MYBPC1: variants seen among roughly 807,000 people sequenced by gnomAD.
MYBPC1 encodes myosin binding protein C1.
Under a neutral mutation model 147.1 loss-of-function variants are expected in MYBPC1, and 52 were observed. That is an observed-to-expected ratio of 0.35 (90% CI 0.28 to 0.45). MYBPC1 has a LOEUF of 0.45. Ranked by LOEUF, MYBPC1 falls within the 20% of genes least tolerant of loss-of-function variation. MYBPC1 has a pLI of 1.00. For synonymous variants in MYBPC1, 477 were observed against 475.9 expected (o/e 1.00, Z -0.03); for missense variants, 1,228 against 1,440.3 (o/e 0.85, Z 2.39).
chr12:101,642,711 G>A, intron 11 of MYBPC1, 126 bp downstream of exon 11: 1 of 1,035,294 alleles, frequency 9.7e-7, no homozygotes, highest in African/African-American at 1.6e-5. Flanking sequence ...GGGTAGGAGT[G>A]CAGGGGTTAC....
Position 101,648,088 on chromosome 12 carries a change from T to C in MYBPC1, c.1134T>C (p.Ala378=). Residue 378 remains alanine (A), a synonymous_variant, in exon 14 of 32, where the codon GCT becomes GCC. Transcript: ENST00000361466. ...MVTKQLEDTT[A]YCGERVELEC... is the part of the protein sequence containing the mutation. ...CCAAACAGCTGGAAGATACAACTGC[T>C]TATTGTGGGGAGAGAGTGGAATTAG... is the stretch of plus-strand genomic sequence containing the variant. The C allele has an allele frequency of 6.2e-7, 1 of 1,613,244 alleles. No individual in the cohort carries two copies.
intron 10 of MYBPC1, 106 bp from the exon 11 acceptor site, chr12:101,642,313 C>A: frequency 8.1e-7 from 1 of 1,229,006 alleles, no homozygotes; most frequent in Non-Finnish European, 1.2e-6. Context: ...AGGCTTTAAA[C>A]AGAGCTTTTT....
chr12:101,651,142 T>C, intron 15 of MYBPC1, 89 bp from the exon 16 acceptor site: 1 of 1,364,904 alleles, frequency 7.3e-7, no homozygotes, highest in Non-Finnish European at 1.0e-6. Context: ...AACATTGTAG[T>C]AGAGCTCACT....
In MYBPC1 at chr12:101,685,782, G is replaced by A. The variant is rs974627361; in HGVS notation, c.*220G>A. On this transcript the variant is annotated 3_prime_UTR_variant, in exon 32 of 32. Transcript: ENST00000361466. ...TTTTCCCACCAGGCCCCCAAGTGTG[G>A]TCTTTTTCTTTCCTCCTAATGTTGA... 7 of 755,552 alleles carry A rather than the reference G, an allele frequency of 9.3e-6. No individual in the cohort carries two copies. Among genetic ancestry groups the A allele is most frequent in the Non-Finnish European group, 1.4e-5 (7 of 513,296 alleles). The allele number at this position is 755,552 out of a possible 1,614,324, so 46.8% of individuals were successfully genotyped here.
At chr12:101,633,153 T>G (rs79875445) in intron 8 of MYBPC1, among the ~76,000 whole-genome samples, 8,695 of 152,218 alleles carry the variant, frequency 0.057, 541 homozygotes, top group African/African-American at 0.16. Context: ...TTAGCCGTGG[T>G]CACTATACCT....
At chr12:101,598,900 A>G (rs1271521875) in intron 1 of MYBPC1, among the ~76,000 whole-genome samples, 1 of 152,214 alleles carries the variant, frequency 6.6e-6, no homozygotes, top group Non-Finnish European at 1.5e-5. Context: ...GTCAGATACT[A>G]TAAAACCCAG....
Position 101,659,719 on chromosome 12 carries a change from T to A in MYBPC1, c.1815T>A (p.Asp605Glu), listed in dbSNP as rs1292606603. 1 of 1,614,050 alleles carries A rather than the reference T, an allele frequency of 6.2e-7. No individual in the cohort carries two copies. The highest frequency in any genetic ancestry group is 8.5e-7 in the Non-Finnish European group (1 of 1,180,000). Residue 605 changes from aspartate to glutamate, a missense_variant, in exon 19 of 32, where the codon GAT becomes GAA. Physicochemically the swap from Asp to Glu is conservative, Grantham distance 45 (BLOSUM62 2). This residue lies in a region of MYBPC1 where 1,077 missense variants were observed against 1,314.2 expected (regional missense o/e 0.82). Transcript: ENST00000361466. ...GGATAAGAACAGAATCTTACCCTGA[T>A]AGCAGCACTCTGGTCATTGATATAG... The part of the protein sequence containing the change: ...SGRIRTESYP[D>E]SSTLVIDIAE...
At chr12:101,666,920 C>T (rs1897579490) in intron 22 of MYBPC1, 4 of 458,180 alleles carry the variant, frequency 8.7e-6, no homozygotes, top group African/African-American at 3.9e-5. Context: ...CACACACACA[C>T]ACACACACAT....
At chr12:101,654,068 T>C (rs539595427) in intron 18 of MYBPC1, among the ~76,000 whole-genome samples, 4 of 151,888 alleles carry the variant, frequency 2.6e-5, no homozygotes, top group African/African-American at 9.7e-5. Context: ...TAGCCAAATA[T>C]GGTGGCAGCA....
intron 18 of MYBPC1, among the ~76,000 whole-genome samples, chr12:101,654,040 C>T (rs1895077673): frequency 6.6e-6 from 1 of 152,114 alleles, no homozygotes; most frequent in African/African-American, 2.4e-5. Flanking sequence ...CCCATCTCTA[C>T]TAAAAATACA....
chr12:101,642,637 A>C lies in MYBPC1; in HGVS notation c.832+52A>C, dbSNP rs752666465. On this transcript the variant is annotated intron_variant, in intron 11 of 31. Coordinates refer to ENST00000361466, the MANE Select transcript of MYBPC1 (RefSeq NM_002465.4). Reference sequence around the variant, plus strand: ...GGCCGAGGGGCGTGGCAGCGTTCGAAAGCCTTGACCGTGAACCCCATCCCG... The same window carrying C: ...GGCCGAGGGGCGTGGCAGCGTTCGACAGCCTTGACCGTGAACCCCATCCCG... The C allele has an allele frequency of 4.5e-6, 7 of 1,564,502 alleles. No homozygotes were observed. The East Asian group carries it at 6.9e-5, about 15-fold the overall frequency.
At chr12:101,688,429 T>G (rs1363510254), downstream of MYBPC1, among the ~76,000 whole-genome samples, 1 of 151,820 alleles carries the variant, frequency 6.6e-6, no homozygotes, top group African/African-American at 2.4e-5. Context: ...AAAAAAAAAT[T>G]TTTTTTAAGG....
chr12:101,682,934 C>T (rs1350442600), intron 30 of MYBPC1, among the ~76,000 whole-genome samples: 2 of 152,090 alleles, frequency 1.3e-5, no homozygotes, highest in Non-Finnish European at 2.9e-5. Context: ...AAGATGATCT[C>T]GTTTTATATA....
Position 101,685,810 on chromosome 12 carries a change from A to AC in MYBPC1, c.*248_*249insC. On this transcript the variant is annotated 3_prime_UTR_variant, in exon 32 of 32. Transcript: ENST00000361466. ...TTTTTCTTTCCTCCTAATGTTGAAG[A>AC]GAAAAAAAAAAAAAAAAGTTTGCCC... The AC allele has an allele frequency of 7.0e-5, 37 of 525,150 alleles. No individual in the cohort carries two copies. The highest frequency in any genetic ancestry group is 5.0e-4 in the Middle Eastern group (1 of 1,988). 32.5% of individuals were successfully genotyped at this position (525,150 alleles called of 1,614,324 possible). A position where few individuals can be genotyped will look rare whatever the true frequency, so the allele number is the denominator to read the frequency against.
intron 18 of MYBPC1, among the ~76,000 whole-genome samples, chr12:101,657,128 TGAAATCTTAAAA>T (rs1895677389): frequency 6.6e-6 from 1 of 152,014 alleles, no homozygotes; most frequent in South Asian, 2.1e-4. Flanking sequence ...ACTTCAAAGA[TGAAATCTTAAAA>T]GAAAATTTAA....
chr12:101,663,689 T>C, intron 22 of MYBPC1, 129 bp downstream of exon 22: 1 of 1,085,838 alleles, frequency 9.2e-7, no homozygotes, highest in South Asian at 1.4e-5. Flanking sequence ...CCAAACGTCA[T>C]CCTTCTGAGA....
chr12:101,653,899 T>A (rs1158964213), intron 18 of MYBPC1, among the ~76,000 whole-genome samples: 2 of 151,420 alleles, frequency 1.3e-5, no homozygotes, highest in Non-Finnish European at 2.9e-5. Flanking sequence ...AAAAGAAAAA[T>A]TACATTTAAA....
In MYBPC1 at chr12:101,616,786, A is replaced by G. The variant is rs142701393; in HGVS notation, c.62-416A>G. On this transcript the variant is annotated intron_variant, in intron 2 of 31. Coordinates refer to ENST00000361466, the MANE Select transcript of MYBPC1 (RefSeq NM_002465.4). The stretch of plus-strand genomic sequence containing the variant: ...TATTTTGTACTTTACTAGAAAATCT[A>G]GAAGTCCAAACTCTTGGAATCATTA... 4.3e-3 allele frequency among the ~76,000 whole-genome samples: 657 copies of G among 152,360 alleles called. 6 individuals are homozygous for G. Among genetic ancestry groups the G allele is most frequent in the African/African-American group, 0.015 (606 of 41,584 alleles).
chr12:101,653,993 A>G (rs1013219020), intron 18 of MYBPC1, among the ~76,000 whole-genome samples: 1 of 152,190 alleles, frequency 6.6e-6, no homozygotes, highest in Admixed American at 6.5e-5. Context: ...ACCTGAAGCC[A>G]GGAGTTCCAG....
Sources: allele counts gnomAD v4.1 joint callset (sites outside exome capture counted in the v4.1 genomes callset), GRCh38; gene constraint gnomAD v4.1.1; regional missense constraint gnomAD v4.1.1; transcripts MANE v1.5; gene names NCBI Gene and HGNC (gene_info 2026-07-23, HGNC 2026-07-21).